CACNG5: variants seen among roughly 807,000 people sequenced by gnomAD.
The protein encoded by CACNG5 is voltage-dependent calcium channel gamma-5 subunit.
Under a neutral mutation model 24.8 loss-of-function variants are expected in CACNG5, and 18 were observed. The ratio of observed to expected loss-of-function variants is 0.73; its 90% CI spans 0.50 to 1.08. The LOEUF (loss-of-function observed/expected upper bound fraction) is 1.08. Among genes scored for constraint, CACNG5 ranks in the 50% least tolerant of loss-of-function variants. The pLI is 0.00. For missense variants in CACNG5, 349 were observed against 367.9 expected, an observed-to-expected ratio of 0.95 and a Z score of 0.42; for synonymous variants, 157 against 149.1, an observed-to-expected ratio of 1.05 and a Z score of -0.39.
At chr17:66,851,975 G>A (rs963410320) in intron 1 of CACNG5, among the ~76,000 whole-genome samples, 7 of 152,250 alleles carry the variant, frequency 4.6e-5, no homozygotes, top group African/African-American at 1.2e-4. Flanking sequence ...CCATGAGGGC[G>A]TTTTGGCAGG....
At chr17:66,843,949 C>T (rs1976601441) in intron 1 of CACNG5, among the ~76,000 whole-genome samples, 1 of 147,728 alleles carries the variant, frequency 6.8e-6, no homozygotes, top group African/African-American at 2.5e-5. Flanking sequence ...AAGAAAGAGG[C>T]CCTTGACTCG....
chr17:66,871,797 T>G (rs1977010744), intron 1 of CACNG5, among the ~76,000 whole-genome samples: 1 of 150,772 alleles, frequency 6.6e-6, no homozygotes, highest in East Asian at 1.9e-4. Flanking sequence ...GAGGCGGAGC[T>G]TGCAGTGAGC....
intron 1 of CACNG5, among the ~76,000 whole-genome samples, chr17:66,854,719 G>A (rs371795313): frequency 2.0e-5 from 3 of 151,898 alleles, no homozygotes; most frequent in East Asian, 3.9e-4. Flanking sequence ...AAAAAGAAAA[G>A]AAAAACTGTA....
intron 1 of CACNG5, among the ~76,000 whole-genome samples, chr17:66,847,507 G>T (rs555581417): frequency 1.3e-5 from 2 of 152,022 alleles, no homozygotes; most frequent in African/African-American, 4.8e-5. Flanking sequence ...ATCAGATCTC[G>T]TGAGACTTAC....
At chr17:66,883,955 A>G (rs1044397352) in intron 4 of CACNG5, among the ~76,000 whole-genome samples, 2 of 152,074 alleles carry the variant, frequency 1.3e-5, no homozygotes, top group Non-Finnish European at 2.9e-5. Flanking sequence ...CAACATGGAG[A>G]AACCTTGTCT....
chr17:66,884,407 C>T (rs980141891), intron 4 of CACNG5, 109 bp from the exon 5 acceptor site: 1 of 1,177,130 alleles, frequency 8.5e-7, no homozygotes. Context: ...GCATTGTTAC[C>T]CCAAGGCTGG....
intron 3 of CACNG5, among the ~76,000 whole-genome samples, chr17:66,880,079 C>G (rs192478122): frequency 2.0e-5 from 3 of 152,222 alleles, no homozygotes; most frequent in Non-Finnish European, 1.5e-5. Flanking sequence ...AAAGACTAGC[C>G]CCAACAGAAT....
chr17:66,880,143 C>A (rs890119877), intron 3 of CACNG5, among the ~76,000 whole-genome samples: 2 of 152,216 alleles, frequency 1.3e-5, no homozygotes, highest in African/African-American at 4.8e-5. Context: ...CTGTCCCCTG[C>A]ACCATTCAGA....
At chr17:66,882,363 GGGA>G (rs1415754540) in intron 4 of CACNG5, among the ~76,000 whole-genome samples, 2 of 152,128 alleles carry the variant, frequency 1.3e-5, no homozygotes, top group East Asian at 3.9e-4. Context: ...TATGACATCT[GGGA>G]GGAGGTGTCC....
intron 1 of CACNG5, among the ~76,000 whole-genome samples, chr17:66,865,633 C>G (rs1976917879): frequency 7.3e-6 from 1 of 137,526 alleles, no homozygotes; most frequent in Non-Finnish European, 1.6e-5. Context: ...GACAAAATTT[C>G]TTTTTTTTTT....
chr17:66,872,374 G>T (rs1977020923), intron 1 of CACNG5, among the ~76,000 whole-genome samples: 1 of 152,204 alleles, frequency 6.6e-6, no homozygotes, highest in Non-Finnish European at 1.5e-5. Flanking sequence ...TCGAACAAGG[G>T]TCTAGGAATA....
chr17:66,869,519 G>A (rs1976973778), intron 1 of CACNG5, among the ~76,000 whole-genome samples: 1 of 152,160 alleles, frequency 6.6e-6, no homozygotes, highest in South Asian at 2.1e-4. Flanking sequence ...AGAGACTGAG[G>A]TTCAGAGTGG....
At chr17:66,870,749 C>A (rs9903407) in intron 1 of CACNG5, among the ~76,000 whole-genome samples, 86 of 152,298 alleles carry the variant, frequency 5.6e-4, no homozygotes, top group African/African-American at 2.0e-3. Flanking sequence ...GAGGCCGAGG[C>A]AGGTGAATCA....
intron 1 of CACNG5, 103 bp from the exon 2 acceptor site, chr17:66,877,127 C>T (rs1977090632): frequency 3.6e-6 from 2 of 553,298 alleles, no homozygotes; most frequent in Non-Finnish European, 6.5e-6. Context: ...ACCTCTGTTG[C>T]AGTGACCTGG....
intron 1 of CACNG5, among the ~76,000 whole-genome samples, chr17:66,846,526 GT>G (rs1976639939): frequency 2.0e-5 from 3 of 152,112 alleles, no homozygotes; most frequent in African/African-American, 7.2e-5. Context: ...TTCACATAAT[GT>G]TTTCAAGGTT....
At chr17:66,868,569 G>A (rs188102100) in intron 1 of CACNG5, among the ~76,000 whole-genome samples, 40 of 152,234 alleles carry the variant, frequency 2.6e-4, no homozygotes, top group African/African-American at 9.6e-4. Context: ...TCATTAGCTG[G>A]CAGCTTCATG....
intron 1 of CACNG5, among the ~76,000 whole-genome samples, chr17:66,856,446 T>C (rs1001804432): frequency 1.3e-5 from 2 of 152,084 alleles, no homozygotes; most frequent in Non-Finnish European, 2.9e-5. Context: ...AAAATTATAG[T>C]ACAAAGGGAT....
chr17:66,884,310 C>T (rs574846219), intron 4 of CACNG5, among the ~76,000 whole-genome samples: 5 of 152,276 alleles, frequency 3.3e-5, no homozygotes, highest in African/African-American at 7.2e-5. Flanking sequence ...GAGCTTCTTC[C>T]CTCAAACTAT....
rs1598060594 is a variant in CACNG5, at chr17:66,877,194, A to T, written c.-103-36A>T. On this transcript the variant is annotated intron_variant, in intron 1 of 5. Coordinates refer to ENST00000533854, the MANE Select transcript of CACNG5 (RefSeq NM_145811.3). ...ATCCATTGAGCCAGGTTGGGGTTTG[A>T]CTTTAGTTACTGGCTCCTCATCTTC... The T allele has an allele frequency of 1.4e-4, 97 of 673,422 alleles. No homozygotes were observed. The South Asian group carries it at 1.8e-3, about 12-fold the overall frequency. The allele number at this position is 673,422 out of a possible 1,614,324, so 41.7% of individuals were successfully genotyped here.
Sources: allele counts gnomAD v4.1 joint callset (sites outside exome capture counted in the v4.1 genomes callset), GRCh38; gene constraint gnomAD v4.1.1; transcripts MANE v1.5; gene names NCBI Gene and HGNC (gene_info 2026-07-23, HGNC 2026-07-21).